PLEKHA7: variants seen among roughly 807,000 people sequenced by gnomAD.
The protein encoded by PLEKHA7 is pleckstrin homology domain containing A7.
A neutral mutation model predicts 170.0 loss-of-function variants in PLEKHA7; 104 were observed. The ratio of observed to expected loss-of-function variants is 0.61; its 90% CI spans 0.52 to 0.72. PLEKHA7 has a LOEUF of 0.72. PLEKHA7 is among the 30% of genes least tolerant of loss of function. The probability of loss-of-function intolerance (pLI) is 0.00; values close to 1 mark genes in which losing one functional copy is unlikely to be tolerated. For missense variants in PLEKHA7, 1,615 were observed against 1,671.7 expected (o/e 0.97, Z 0.59); for synonymous variants, 648 against 660.8 (o/e 0.98, Z 0.30).
chr11:17,013,913 C>G, intron 3 of PLEKHA7, 76 bp downstream of exon 3: 4 of 1,449,068 alleles, frequency 2.8e-6, no homozygotes, highest in Non-Finnish European at 2.7e-6. Context: ...AGAGGAAGGG[C>G]GGGGCGCCCG....
chr11:16,819,006 T>C (rs1850004497), intron 10 of PLEKHA7, among the ~76,000 whole-genome samples: 2 of 151,620 alleles, frequency 1.3e-5, no homozygotes, highest in South Asian at 4.2e-4. Context: ...GGTTTCACTG[T>C]GTTAGCCAGG....
intron 3 of PLEKHA7, among the ~76,000 whole-genome samples, chr11:16,947,951 A>G (rs969156431): frequency 6.6e-6 from 1 of 151,220 alleles, no homozygotes; most frequent in Non-Finnish European, 1.5e-5. Flanking sequence ...AGAAAAAAAG[A>G]AAAGAAAACA....
At chr11:16,799,682 A>G (rs1848459378) in intron 17 of PLEKHA7, among the ~76,000 whole-genome samples, 1 of 152,368 alleles carries the variant, frequency 6.6e-6, no homozygotes, top group South Asian at 2.1e-4. Flanking sequence ...TGTCAACAAC[A>G]TTCACCTAGT....
intron 3 of PLEKHA7, among the ~76,000 whole-genome samples, chr11:17,009,663 TCTCA>T (rs1333851020): frequency 6.6e-6 from 1 of 150,676 alleles, no homozygotes; most frequent in African/African-American, 2.4e-5. Flanking sequence ...ACAGACAGGG[TCTCA>T]CTCTGTCATC....
At chr11:16,988,820 C>T (rs978604207) in intron 3 of PLEKHA7, among the ~76,000 whole-genome samples, 2 of 152,176 alleles carry the variant, frequency 1.3e-5, no homozygotes, top group Admixed American at 1.3e-4. Context: ...TCGTTGTAAA[C>T]CTGGGGCCAA....
At chr11:16,986,323 C>T (rs1464929814) in intron 3 of PLEKHA7, among the ~76,000 whole-genome samples, 2 of 152,116 alleles carry the variant, frequency 1.3e-5, no homozygotes, top group Non-Finnish European at 2.9e-5. Context: ...TTAGGAGGCA[C>T]CAGAGAAAGG....
chr11:17,009,654 C>T (rs199869911), intron 3 of PLEKHA7, among the ~76,000 whole-genome samples: 1 of 103,282 alleles, frequency 9.7e-6, no homozygotes, highest in Non-Finnish European at 2.1e-5. Context: ...TATTTATTTA[C>T]AGACAGGGTC....
At chr11:16,880,005 C>T (rs1230776297) in intron 3 of PLEKHA7, among the ~76,000 whole-genome samples, 3 of 152,180 alleles carry the variant, frequency 2.0e-5, no homozygotes, top group African/African-American at 7.2e-5. Context: ...ATCCCAGCAG[C>T]CATGAGAACA....
At chr11:16,891,914 C>A (rs937198553) in intron 3 of PLEKHA7, among the ~76,000 whole-genome samples, 1 of 152,174 alleles carries the variant, frequency 6.6e-6, no homozygotes, top group Non-Finnish European at 1.5e-5. Flanking sequence ...ATTATCAAGA[C>A]GGGAAGTAAT....
At chr11:16,788,853 T>C (rs1849584473) in intron 23 of PLEKHA7, 5 of 582,102 alleles carry the variant, frequency 8.6e-6, no homozygotes, top group Non-Finnish European at 1.5e-5. Flanking sequence ...GAGGACTGAC[T>C]GGGTATTTCC....
At chr11:16,828,309 C>A (rs1451872355) in intron 9 of PLEKHA7, among the ~76,000 whole-genome samples, 1 of 152,146 alleles carries the variant, frequency 6.6e-6, no homozygotes, top group South Asian at 2.1e-4. Flanking sequence ...GTTTTAGAAG[C>A]GTCTTTTCTC....
chr11:16,981,133 G>T (rs1190448364), intron 3 of PLEKHA7, among the ~76,000 whole-genome samples: 1 of 151,986 alleles, frequency 6.6e-6, no homozygotes, highest in East Asian at 1.9e-4. Context: ...TGTTCCTCCT[G>T]CAGTCTCAGA....
chr11:16,903,972 AG>A (rs1857498418), intron 3 of PLEKHA7, among the ~76,000 whole-genome samples: 1 of 152,200 alleles, frequency 6.6e-6, no homozygotes, highest in African/African-American at 2.4e-5. Context: ...ACAAAGATAC[AG>A]CCTGCTCTAC....
At chr11:16,819,504 G>T (rs1247968693) in intron 10 of PLEKHA7, among the ~76,000 whole-genome samples, 1 of 152,222 alleles carries the variant, frequency 6.6e-6, no homozygotes, top group East Asian at 1.9e-4. Flanking sequence ...ACAAGTTTTA[G>T]AGTCAGACAG....
Position 16,817,386 on chromosome 11 carries a change from A to G in PLEKHA7, c.1344-64T>C, listed in dbSNP as rs1164930166. ...GAGGGTTCTGCAGGCTTTGGGGAACATATCTAAGTAAACCCACAAAGCTGG... is the reference window on the plus strand; with the variant it reads ...GAGGGTTCTGCAGGCTTTGGGGAACGTATCTAAGTAAACCCACAAAGCTGG... On this transcript the variant is annotated intron_variant, in intron 10 of 26. Transcript: ENST00000531066. The surrounding 1 kb of genome is among the most constrained non-coding windows in gnomAD (Gnocchi z 4.4). 18 of 1,471,276 alleles carry G rather than the reference A, an allele frequency of 1.2e-5. No individual in the cohort carries two copies. The highest frequency in any genetic ancestry group is 1.6e-5 in the Non-Finnish European group (18 of 1,094,464). The allele number at this position is 1,471,276 out of a possible 1,614,324, so 91.1% of individuals were successfully genotyped here.
intron 13 of PLEKHA7, among the ~76,000 whole-genome samples, chr11:16,807,679 G>T (rs1397328433): frequency 1.3e-5 from 2 of 152,142 alleles, no homozygotes; most frequent in Non-Finnish European, 2.9e-5. Context: ...AGTTCCACCA[G>T]AACTGTGGTG....
intron 3 of PLEKHA7, among the ~76,000 whole-genome samples, chr11:16,894,689 T>C (rs1856889302): frequency 6.6e-6 from 1 of 151,910 alleles, no homozygotes; most frequent in Non-Finnish European, 1.5e-5. Context: ...TGGGGCCCCT[T>C]CTCCCCACAG....
intron 3 of PLEKHA7, among the ~76,000 whole-genome samples, chr11:16,999,173 T>C (rs1385179647): frequency 3.9e-5 from 6 of 152,082 alleles, no homozygotes; most frequent in African/African-American, 1.2e-4. Flanking sequence ...ACAACTGCAA[T>C]GTCAGACATC....
At chr11:16,858,433 C>G (rs185653351) in intron 4 of PLEKHA7, among the ~76,000 whole-genome samples, 28 of 152,210 alleles carry the variant, frequency 1.8e-4, no homozygotes, top group Admixed American at 1.0e-3. Context: ...TGTGACTGGC[C>G]AGGAAATCCA....
Sources: allele counts gnomAD v4.1 joint callset (sites outside exome capture counted in the v4.1 genomes callset), GRCh38; gene constraint gnomAD v4.1.1; non-coding constraint Gnocchi (gnomAD v3.1); transcripts MANE v1.5; gene names NCBI Gene and HGNC (gene_info 2026-07-23, HGNC 2026-07-21).